Variants in TSPAN9 observed in about 807,000 individuals in gnomAD.
TSPAN9 encodes the protein tetraspanin 9, also known as tetraspanin-9.
A neutral mutation model predicts 31.0 loss-of-function variants in TSPAN9; 16 were observed. That is an observed-to-expected ratio of 0.52 (90% CI 0.35 to 0.78). TSPAN9 has a LOEUF of 0.78. TSPAN9 is among the 30% of genes least tolerant of loss of function. The pLI, the probability that TSPAN9 is intolerant of heterozygous loss-of-function variation, is 0.01. For synonymous variants in TSPAN9, 145 were observed against 121.6 expected, an observed-to-expected ratio of 1.19 and a Z score of -1.27; for missense variants, 272 against 312.5, an observed-to-expected ratio of 0.87 and a Z score of 0.98.
At chr12:3,110,462 C>T (rs573555755) in intron 2 of TSPAN9, among the ~76,000 whole-genome samples, 1 of 152,310 alleles carries the variant, frequency 6.6e-6, no homozygotes, top group African/African-American at 2.4e-5. Context: ...TAAGTGTACC[C>T]ATTCTCTTGG....
At chr12:3,249,905 C>T (rs1447141195) in intron 3 of TSPAN9, among the ~76,000 whole-genome samples, 1 of 152,204 alleles carries the variant, frequency 6.6e-6, no homozygotes, top group Non-Finnish European at 1.5e-5. Flanking sequence ...CCCTTGTCGT[C>T]TCACCATGCA....
In TSPAN9 at chr12:3,147,002, AG is replaced by A. The variant is rs1296886807; in HGVS notation, c.-17-54174del. 6.6e-6 allele frequency among the ~76,000 whole-genome samples: 1 copy of A among 152,154 alleles called. No individual in the cohort carries two copies. The highest frequency in any genetic ancestry group is 1.5e-5 in the Non-Finnish European group (1 of 68,020). On this transcript the variant is annotated intron_variant, in intron 2 of 8. Transcript: ENST00000011898. This position sits in a 1 kb window ranked among gnomAD's most constrained non-coding sequence, Gnocchi z 4.3. ...ATGGGTTTAACCACACTCACCTTTC[AG>A]TAGTATTTTGGACATCAAATGGGTA...
At chr12:3,195,295 G>A (rs1158888503) in intron 2 of TSPAN9, among the ~76,000 whole-genome samples, 1 of 152,244 alleles carries the variant, frequency 6.6e-6, no homozygotes, top group African/African-American at 2.4e-5. Context: ...CAGAGAGGCA[G>A]AGAGAGCTTG....
Position 3,159,619 on chromosome 12 carries a change from C to T in TSPAN9, c.-17-41558C>T, listed in dbSNP as rs183690321. On this transcript the variant is annotated intron_variant, in intron 2 of 8. Coordinates refer to ENST00000011898, the MANE Select transcript of TSPAN9 (RefSeq NM_006675.5). ...CCATGGCTCACACCTAGAATCCCAG[C>T]ACTTTGGGATGCCGAGGCAGGAAGA... Among the ~76,000 whole-genome samples, 91 of 152,300 alleles carry T rather than the reference C, an allele frequency of 6.0e-4. 2 individuals are homozygous for T. In the East Asian group the frequency reaches 0.012, roughly 20 times the overall value.
intron 3 of TSPAN9, among the ~76,000 whole-genome samples, chr12:3,272,313 G>T (rs1351142009): frequency 6.6e-6 from 1 of 152,158 alleles, no homozygotes. Flanking sequence ...AGGAGGATTT[G>T]CATGTCTGGG....
At chr12:3,080,001 C>G (rs530067176) in intron 1 of TSPAN9, among the ~76,000 whole-genome samples, 1 of 147,338 alleles carries the variant, frequency 6.8e-6, no homozygotes, top group South Asian at 2.2e-4. Flanking sequence ...AGGCTGGTCT[C>G]TGGTCTTGAA....
intron 3 of TSPAN9, among the ~76,000 whole-genome samples, chr12:3,216,850 G>A (rs960287671): frequency 6.6e-6 from 1 of 152,196 alleles, no homozygotes; most frequent in Non-Finnish European, 1.5e-5. Flanking sequence ...CTAGCCTTCA[G>A]ACACAGATCC....
At chr12:3,282,091 C>G in intron 8 of TSPAN9, 1 of 648,080 alleles carries the variant, frequency 1.5e-6, no homozygotes, top group Non-Finnish European at 2.8e-6. Context: ...TGGGTTCCCC[C>G]AGTTCTGCCC....
chr12:3,156,175 G>C (rs1026822877), intron 2 of TSPAN9, among the ~76,000 whole-genome samples: 2 of 152,218 alleles, frequency 1.3e-5, no homozygotes, highest in Non-Finnish European at 2.9e-5. Flanking sequence ...AAGTGTGTCT[G>C]GGGTCTGGGT....
intron 2 of TSPAN9, among the ~76,000 whole-genome samples, chr12:3,186,287 A>T (rs1330113043): frequency 2.0e-5 from 3 of 152,234 alleles, no homozygotes; most frequent in Non-Finnish European, 4.4e-5. Context: ...TTGGGAATAC[A>T]GCAGTAAGTG....
At chr12:3,167,979 C>T (rs2098349466) in intron 2 of TSPAN9, among the ~76,000 whole-genome samples, 1 of 152,184 alleles carries the variant, frequency 6.6e-6, no homozygotes, top group African/African-American at 2.4e-5. Context: ...GGTCATGGGC[C>T]TGTCCTCCTG....
chr12:3,242,296 G>A (rs1477909184), intron 3 of TSPAN9, among the ~76,000 whole-genome samples: 2 of 152,224 alleles, frequency 1.3e-5, no homozygotes, highest in African/African-American at 4.8e-5. Context: ...GAGTGGCTCT[G>A]CCACCCGCCC....
intron 2 of TSPAN9, among the ~76,000 whole-genome samples, chr12:3,092,668 G>A (rs533472700): frequency 2.0e-5 from 3 of 152,262 alleles, no homozygotes; most frequent in Non-Finnish European, 4.4e-5. Context: ...AAAAAATGAC[G>A]CTACCCACTT....
At chr12:3,096,433 C>CTTTTTTTTTTTTTTTT in intron 2 of TSPAN9, among the ~76,000 whole-genome samples, 2 of 152,240 alleles carry the variant, frequency 1.3e-5, no homozygotes, top group East Asian at 3.9e-4. Flanking sequence ...TGCATTGTCT[C>CTTTTTTTTTTTTTTTT]TTTATTCCTT....
At chr12:3,154,350 C>A (rs1184762116) in intron 2 of TSPAN9, among the ~76,000 whole-genome samples, 1 of 152,190 alleles carries the variant, frequency 6.6e-6, no homozygotes, top group African/African-American at 2.4e-5. Context: ...TGGCCTGGTA[C>A]ATAGATTTTG....
chr12:3,088,776 T>C (rs974119485), intron 2 of TSPAN9, among the ~76,000 whole-genome samples: 8 of 152,030 alleles, frequency 5.3e-5, no homozygotes, highest in Non-Finnish European at 8.8e-5. Flanking sequence ...GGGGTTGTAA[T>C]GCTGGCTGGG....
In TSPAN9 at chr12:3,107,549, C is replaced by G. The variant is rs1455863750; in HGVS notation, c.-18+23830C>G. Among the ~76,000 whole-genome samples the G allele has an allele frequency of 2.0e-5, 3 of 152,232 alleles. No homozygotes were observed. The East Asian group carries it at 5.8e-4, about 29-fold the overall frequency. On this transcript the variant is annotated intron_variant, in intron 2 of 8. Transcript: ENST00000011898. The surrounding 1 kb of genome is among the most constrained non-coding windows in gnomAD (Gnocchi z 4.1). ...AGTCCAGCCCCCCTATCCCTGTGCC[C>G]TTCATCTGGGGCCATGCATGCCTCT...
chr12:3,200,107 T>G (rs1370115058), intron 2 of TSPAN9: 2 of 152,420 alleles, frequency 1.3e-5, no homozygotes, highest in African/African-American at 2.4e-5. Context: ...CCGTTGAAGG[T>G]TCTGGTTCAC....
intron 3 of TSPAN9, among the ~76,000 whole-genome samples, chr12:3,222,682 C>T (rs113897982): frequency 1.3e-5 from 2 of 152,306 alleles, no homozygotes; most frequent in South Asian, 2.1e-4. Flanking sequence ...CAAGAGCATA[C>T]CTGATGCAGG....
Sources: allele counts gnomAD v4.1 joint callset (sites outside exome capture counted in the v4.1 genomes callset), GRCh38; gene constraint gnomAD v4.1.1; non-coding constraint Gnocchi (gnomAD v3.1); transcripts MANE v1.5; gene names NCBI Gene and HGNC (gene_info 2026-07-23, HGNC 2026-07-21).